Variants in NKAIN2 observed in about 807,000 individuals in gnomAD.
The protein encoded by NKAIN2 is sodium/potassium transporting ATPase interacting 2.
NKAIN2 carries 14 observed loss-of-function variants against 32.6 expected under a neutral mutation model. The ratio of observed to expected loss-of-function variants is 0.43; its 90% confidence interval spans 0.28 to 0.67. The LOEUF is 0.67. Among genes scored for constraint, NKAIN2 ranks in the 30% least tolerant of loss-of-function variants. The pLI is 0.17. For synonymous variants in NKAIN2, 80 were observed against 87.2 expected, an observed-to-expected ratio of 0.92 and a Z score of 0.46; for missense variants, 198 against 258.3, an observed-to-expected ratio of 0.77 and a Z score of 1.60.
intron 1 of NKAIN2, among the ~76,000 whole-genome samples, chr6:124,064,079 T>A (rs1393681860): frequency 6.6e-6 from 1 of 151,800 alleles, no homozygotes; most frequent in Non-Finnish European, 1.5e-5. Flanking sequence ...GCCTCCCGAG[T>A]AGCTGGGACT....
At chr6:124,353,958 G>C (rs994544205) in intron 2 of NKAIN2, among the ~76,000 whole-genome samples, 2 of 152,120 alleles carry the variant, frequency 1.3e-5, no homozygotes, top group African/African-American at 4.8e-5. Context: ...AGAAAGGTTG[G>C]GAGCCATTGG....
In NKAIN2 at chr6:124,751,010, A is replaced by T. The variant is rs556206379; in HGVS notation, c.475-40329A>T. Reference sequence around the variant, plus strand: ...AGAAAGCAAAATGATCACACAGGAAAGTTTCACCAGCCAACCTAAATACAG... The same window carrying T: ...AGAAAGCAAAATGATCACACAGGAATGTTTCACCAGCCAACCTAAATACAG... On this transcript the variant is annotated intron_variant, in intron 4 of 6. Transcript: ENST00000368417. Among the ~76,000 whole-genome samples, 240 of 152,218 alleles carry T rather than the reference A, an allele frequency of 1.6e-3. 2 individuals carry two copies. Among genetic ancestry groups the T allele is most frequent in the African/African-American group, 5.3e-3 (221 of 41,554 alleles).
At chr6:124,704,508 T>A (rs1774952032) in intron 4 of NKAIN2, among the ~76,000 whole-genome samples, 1 of 150,942 alleles carries the variant, frequency 6.6e-6, no homozygotes, top group Non-Finnish European at 1.5e-5. Context: ...ATAATAATAA[T>A]AAAAAAACAT....
rs1483683316 is a variant in NKAIN2 at position 124,533,638 on chromosome 6, T to G, written c.274-124548T>G. On this transcript the variant is annotated intron_variant, in intron 3 of 6. Coordinates refer to ENST00000368417, the MANE Select transcript of NKAIN2 (RefSeq NM_001040214.3). ...TAATAAGAGTACCTAACTCAGAATGTGAAGAATAAATATTATACATGAAGT... is the reference window on the plus strand; with the variant it reads ...TAATAAGAGTACCTAACTCAGAATGGGAAGAATAAATATTATACATGAAGT... Among the ~76,000 whole-genome samples the G allele has an allele frequency of 9.5e-4, 144 of 152,150 alleles. 2 individuals are homozygous for G. Among genetic ancestry groups the G allele is most frequent in the Non-Finnish European group, 1.2e-4 (8 of 67,998 alleles).
At chr6:124,521,671 T>C (rs745665749) in intron 3 of NKAIN2, among the ~76,000 whole-genome samples, 1 of 152,178 alleles carries the variant, frequency 6.6e-6, no homozygotes, top group African/African-American at 2.4e-5. Context: ...AATAATCGAT[T>C]CTTTTCATGC....
chr6:124,812,672 A>G (rs1018706392), intron 5 of NKAIN2, among the ~76,000 whole-genome samples: 5 of 152,138 alleles, frequency 3.3e-5, no homozygotes, highest in Admixed American at 3.3e-4. Context: ...ACTTAGATGT[A>G]CTACTTATAA....
At chr6:124,441,886 G>A (rs773569991) in intron 3 of NKAIN2, among the ~76,000 whole-genome samples, 1 of 151,848 alleles carries the variant, frequency 6.6e-6, no homozygotes, top group East Asian at 1.9e-4. Flanking sequence ...TGCTATATTG[G>A]GTGCTAAGTA....
Position 124,287,138 on chromosome 6 carries a change from T to C in NKAIN2, c.192+3996T>C, listed in dbSNP as rs182550427. ...ATGTCTATCTTATTACAGTTAACTCTCTTTCAACTTGTGATATTTTCTGCT... is the reference window on the plus strand; with the variant it reads ...ATGTCTATCTTATTACAGTTAACTCCCTTTCAACTTGTGATATTTTCTGCT... On this transcript the variant is annotated intron_variant, in intron 2 of 6. Transcript: ENST00000368417. Among the ~76,000 whole-genome samples, 510 of 152,348 alleles carry C rather than the reference T, an allele frequency of 3.3e-3. 4 individuals are homozygous for C. The highest frequency in any genetic ancestry group is 0.012 in the African/African-American group (488 of 41,588).
chr6:124,519,591 G>A lies in NKAIN2; in HGVS notation c.274-138595G>A, dbSNP rs139184933. Among the ~76,000 whole-genome samples, 251 of 152,220 alleles carry A rather than the reference G, an allele frequency of 1.6e-3. 1 individual carries two copies. The highest frequency in any genetic ancestry group is 2.8e-3 in the Non-Finnish European group (189 of 68,014). ...AGCAACTCAAAATTTCCAAGTGAGC[G>A]TAATCATCCCTACAGATTTTGAAAG... On this transcript the variant is annotated intron_variant, in intron 3 of 6. Transcript: ENST00000368417.
intron 1 of NKAIN2, among the ~76,000 whole-genome samples, chr6:124,134,462 G>A (rs911153587): frequency 4.6e-5 from 7 of 152,136 alleles, no homozygotes; most frequent in African/African-American, 1.7e-4. Context: ...AAGGCGGGTG[G>A]ATCACATGCT....
chr6:124,754,486 G>C (rs777206864), intron 4 of NKAIN2, among the ~76,000 whole-genome samples: 3 of 151,874 alleles, frequency 2.0e-5, no homozygotes, highest in African/African-American at 7.3e-5. Flanking sequence ...CCATATGATT[G>C]TTGGCCACAT....
At chr6:124,446,726 A>ACG (rs147749259) in intron 3 of NKAIN2, among the ~76,000 whole-genome samples, 10,853 of 152,082 alleles carry the variant, frequency 0.071, 490 homozygotes, top group African/African-American at 0.098. Context: ...TCTCTATGAA[A>ACG]CGTGGCATCT....
intron 3 of NKAIN2, among the ~76,000 whole-genome samples, chr6:124,512,903 A>G (rs1778768540): frequency 6.6e-6 from 1 of 152,210 alleles, no homozygotes; most frequent in Admixed American, 6.5e-5. Flanking sequence ...GTAAATCTAC[A>G]TGATGTTTAA....
At chr6:124,199,607 G>A (rs1465358738) in intron 1 of NKAIN2, among the ~76,000 whole-genome samples, 1 of 152,042 alleles carries the variant, frequency 6.6e-6, no homozygotes, top group Non-Finnish European at 1.5e-5. Flanking sequence ...AATAAATGTA[G>A]GGAGAAAATA....
intron 1 of NKAIN2, among the ~76,000 whole-genome samples, chr6:123,950,070 T>C (rs529939508): frequency 1.3e-5 from 2 of 152,202 alleles, no homozygotes; most frequent in South Asian, 4.1e-4. Flanking sequence ...TTCCTCATCC[T>C]GTTGATGTGA....
intron 1 of NKAIN2, among the ~76,000 whole-genome samples, chr6:124,198,030 A>G (rs893628531): frequency 6.6e-6 from 1 of 151,936 alleles, no homozygotes; most frequent in African/African-American, 2.4e-5. Flanking sequence ...CTGTTCAGAA[A>G]TTAACTGGGT....
intron 2 of NKAIN2, among the ~76,000 whole-genome samples, chr6:124,332,264 AAGAG>A (rs1797694837): frequency 6.6e-6 from 1 of 150,800 alleles, no homozygotes; most frequent in Non-Finnish European, 1.5e-5. Flanking sequence ...GAGAGAGAGA[AAGAG>A]AAAGAGAGAG....
chr6:124,774,276 A>C (rs1005893491), intron 4 of NKAIN2, among the ~76,000 whole-genome samples: 1 of 152,116 alleles, frequency 6.6e-6, no homozygotes, highest in African/African-American at 2.4e-5. Flanking sequence ...TCAGATTCTG[A>C]GTATACCTTG....
Position 124,229,516 on chromosome 6 carries a change from A to ATAGATAGG in NKAIN2, c.55-53482_55-53481insGTAGATAG, listed in dbSNP as rs1483605976. On this transcript the variant is annotated intron_variant, in intron 1 of 6. Transcript: ENST00000368417. ...GATAGATAGACAGATAGATAGATAGATAGATAGATAGATAGATAGACAGAC... is the reference window on the plus strand; with the variant it reads ...GATAGATAGACAGATAGATAGATAGATAGATAGGTAGATAGATAGATAGATAGACAGAC... Among the ~76,000 whole-genome samples, 329 of 149,372 alleles carry ATAGATAGG rather than the reference A, an allele frequency of 2.2e-3. 2 individuals carry two copies. Among genetic ancestry groups the ATAGATAGG allele is most frequent in the Non-Finnish European group, 3.7e-3 (252 of 67,864 alleles).
Sources: allele counts gnomAD v4.1 joint callset (sites outside exome capture counted in the v4.1 genomes callset), GRCh38; gene constraint gnomAD v4.1.1; transcripts MANE v1.5; gene names NCBI Gene and HGNC (gene_info 2026-07-23, HGNC 2026-07-21).